CYFIP2: variants seen among roughly 807,000 people sequenced by gnomAD.
The protein encoded by CYFIP2 is cytoplasmic FMR1 interacting protein 2, also known as cytoplasmic FMR1-interacting protein 2.
CYFIP2 carries 29 observed loss-of-function variants against 158.7 expected under a neutral mutation model. The observed-to-expected ratio is 0.18, with a 90% CI of 0.14 to 0.25. The LOEUF (loss-of-function observed/expected upper bound fraction) is 0.25. CYFIP2 is among the 10% of genes least tolerant of loss of function. The pLI, the probability that CYFIP2 is intolerant of heterozygous loss-of-function variation, is 1.00. For synonymous variants in CYFIP2, 585 were observed against 617.6 expected (o/e 0.95, Z 0.78); for missense variants, 852 against 1,639.5 (o/e 0.52, Z 8.29).
chr5:157,282,633 G>T (rs770183234), intron 1 of CYFIP2, among the ~76,000 whole-genome samples: 7 of 152,188 alleles, frequency 4.6e-5, no homozygotes, highest in Non-Finnish European at 1.0e-4. Context: ...GGGATTGCTG[G>T]TCAAATGGTA....
chr5:157,382,760 A>C, intron 27 of CYFIP2, 98 bp downstream of exon 27: 2 of 1,263,916 alleles, frequency 1.6e-6, no homozygotes, highest in Non-Finnish European at 2.3e-6. Context: ...GCAAGGGGGA[A>C]GGTTAAAGCT....
chr5:157,350,725 G>A (rs1763010999), intron 23 of CYFIP2, among the ~76,000 whole-genome samples: 1 of 152,174 alleles, frequency 6.6e-6, no homozygotes, highest in African/African-American at 2.4e-5. Flanking sequence ...TGGCAGTGTT[G>A]TCATTTCCAC....
At chr5:157,287,467 G>A (rs540782670) in intron 3 of CYFIP2, among the ~76,000 whole-genome samples, 82 of 152,278 alleles carry the variant, frequency 5.4e-4, no homozygotes, top group South Asian at 1.4e-3. Flanking sequence ...AGAGCAAAAG[G>A]TTCCTTGAAA....
chr5:157,365,376 G>T (rs1370118258), intron 26 of CYFIP2: 1 of 152,082 alleles, frequency 6.6e-6, no homozygotes, highest in African/African-American at 2.4e-5. Context: ...TCATTGATAG[G>T]TAGAGGGATA....
chr5:157,303,144 G>A (rs1358358143), intron 7 of CYFIP2: 1 of 406,232 alleles, frequency 2.5e-6, no homozygotes, highest in African/African-American at 2.0e-5. Context: ...TCAGGGTTGA[G>A]AACGTGGGGT....
intron 14 of CYFIP2, 137 bp downstream of exon 14, chr5:157,320,065 C>T: frequency 1.9e-6 from 2 of 1,042,434 alleles, no homozygotes; most frequent in South Asian, 3.1e-5. Flanking sequence ...GGAGATTGGG[C>T]ATTTGGGATG....
chr5:157,371,356 CAT>C (rs1764984177), intron 26 of CYFIP2, among the ~76,000 whole-genome samples: 2 of 152,164 alleles, frequency 1.3e-5, no homozygotes, highest in African/African-American at 2.4e-5. Flanking sequence ...CATACAAAAA[CAT>C]AATGCATTAG....
chr5:157,383,593 C>T (rs1766346420), intron 28 of CYFIP2: 1 of 419,362 alleles, frequency 2.4e-6, no homozygotes, highest in Non-Finnish European at 4.3e-6. Context: ...GCCAACAAGT[C>T]GTCTGCTTAT....
At chr5:157,383,167 GAATGCA>G in intron 27 of CYFIP2, 92 bp from the exon 28 acceptor site, 1 of 1,023,462 alleles carries the variant, frequency 9.8e-7, no homozygotes, top group East Asian at 2.6e-5. Context: ...CCCATTTTTG[GAATGCA>G]GATACATCAT....
intron 21 of CYFIP2, among the ~76,000 whole-genome samples, chr5:157,333,863 C>A (rs955944344): frequency 9.9e-5 from 15 of 152,196 alleles, no homozygotes; most frequent in African/African-American, 3.4e-4. Flanking sequence ...AATTCTTAAA[C>A]AAGGGGGCCC....
chr5:157,377,173 G>A (rs561782544), intron 26 of CYFIP2, among the ~76,000 whole-genome samples: 1 of 151,862 alleles, frequency 6.6e-6, no homozygotes, highest in Non-Finnish European at 1.5e-5. Flanking sequence ...ACCAGAAGGT[G>A]AAACTGCAGC....
At chr5:157,286,571 T>C (rs1225344362) in intron 2 of CYFIP2, among the ~76,000 whole-genome samples, 1 of 148,808 alleles carries the variant, frequency 6.7e-6, no homozygotes, top group Non-Finnish European at 1.5e-5. Flanking sequence ...TATATATATA[T>C]ATATATATTT....
chr5:157,394,773 A>C lies in CYFIP2; in HGVS notation c.*1773A>C, dbSNP rs901495450. The C allele has an allele frequency of 6.6e-6, 1 of 152,288 alleles. No individual in the cohort carries two copies. The highest frequency in any genetic ancestry group is 2.4e-5 in the African/African-American group (1 of 41,474). 9.4% of individuals were successfully genotyped at this position (152,288 alleles called of 1,614,324 possible). On this transcript the variant is annotated 3_prime_UTR_variant, in exon 31 of 31. Coordinates refer to ENST00000620254, the MANE Select transcript of CYFIP2 (RefSeq NM_001037333.3). ...AGAGAGAAGGGAGGAGGTTCCAAGT[A>C]GTAACTGGCAGATCCTCCTGTCTGG... is the stretch of plus-strand genomic sequence containing the variant.
chr5:157,326,190 G>C lies in CYFIP2; in HGVS notation c.2002G>C (p.Asp668His). The C allele has an allele frequency of 6.2e-7, 1 of 1,613,884 alleles. No homozygotes were observed. Among genetic ancestry groups the C allele is most frequent in the Non-Finnish European group, 8.5e-7 (1 of 1,179,784 alleles). ...CTTCAGGTATGTCCTCTACCCTCTG[G>C]ATCTGTACAACGACAGCGCCTACTA... ...SMMEYVLYPL[D>H]LYNDSAYYAL... Residue 668 changes from aspartate (D) to histidine (H), a missense_variant, in exon 18 of 31, where the codon GAT becomes CAT. Asp to His is a moderately conservative substitution (Grantham distance 81, BLOSUM62 -1). Coordinates refer to ENST00000620254, the MANE Select transcript of CYFIP2 (RefSeq NM_001037333.3).
intron 1 of CYFIP2, among the ~76,000 whole-genome samples, chr5:157,270,010 G>A (rs1755951518): frequency 6.6e-6 from 1 of 152,212 alleles, no homozygotes. Context: ...GAAAGAAATT[G>A]TTTTGAGAAG....
chr5:157,303,085 C>G, intron 7 of CYFIP2, 195 bp downstream of exon 7: 1 of 538,136 alleles, frequency 1.9e-6, no homozygotes, highest in Non-Finnish European at 3.3e-6. Flanking sequence ...TTCACCCTCT[C>G]CAGTTGTCAT....
chr5:157,279,661 A>C (rs947892435), intron 1 of CYFIP2, among the ~76,000 whole-genome samples: 1 of 152,234 alleles, frequency 6.6e-6, no homozygotes, highest in Non-Finnish European at 1.5e-5. Context: ...AAGACACTGC[A>C]TTTAAACCCA....
At chr5:157,379,292 C>T (rs1488823247) in intron 26 of CYFIP2, among the ~76,000 whole-genome samples, 3 of 152,054 alleles carry the variant, frequency 2.0e-5, no homozygotes, top group Non-Finnish European at 4.4e-5. Flanking sequence ...CTTTTGGTAA[C>T]AGGATTTAGT....
rs566463741 is a variant in CYFIP2, at chr5:157,277,138, A to G, written c.-23-8201A>G. 11 of 152,092 alleles carry G rather than the reference A, an allele frequency of 7.2e-5. No homozygotes were observed. In the East Asian group the frequency reaches 2.1e-3, roughly 29 times the overall value. 9.4% of individuals were successfully genotyped at this position (152,092 alleles called of 1,614,324 possible). A position where few individuals can be genotyped will look rare whatever the true frequency, so the allele number is the denominator to read the frequency against. On this transcript the variant is annotated intron_variant, in intron 1 of 30. Transcript: ENST00000620254. ...AACCTCCACCTCCCAGGTTCAAGCA[A>G]TTCTGCCTCACCCTCCCGAGTAGCT...
Sources: allele counts gnomAD v4.1 joint callset (sites outside exome capture counted in the v4.1 genomes callset), GRCh38; gene constraint gnomAD v4.1.1; transcripts MANE v1.5; gene names NCBI Gene and HGNC (gene_info 2026-07-23, HGNC 2026-07-21).